SMYD3: variants seen among roughly 807,000 people sequenced by gnomAD.
The protein encoded by SMYD3 is SET and MYND domain containing 3.
In SMYD3, 36 loss-of-function variants were observed where a neutral mutation model predicts 57.7. The ratio of observed to expected loss-of-function variants is 0.62; its 90% confidence interval spans 0.48 to 0.82. The LOEUF (loss-of-function observed/expected upper bound fraction) is 0.82. Among genes scored for constraint, SMYD3 ranks in the 40% least tolerant of loss-of-function variants. The pLI is 0.00. For missense variants in SMYD3, 515 were observed against 538.8 expected, an observed-to-expected ratio of 0.96 and a Z score of 0.44; for synonymous variants, 211 against 195.0, an observed-to-expected ratio of 1.08 and a Z score of -0.68.
chr1:246,218,876 A>G (rs2063208483), intron 5 of SMYD3, among the ~76,000 whole-genome samples: 1 of 152,192 alleles, frequency 6.6e-6, no homozygotes. Context: ...TATCATAGCA[A>G]GACAATCACA....
rs553463722 is a variant in SMYD3 at position 246,094,078 on chromosome 1, C to T, written c.532-164141G>A. Among the ~76,000 whole-genome samples, 58 of 152,244 alleles carry T rather than the reference C, an allele frequency of 3.8e-4. 1 individual carries two copies. The highest frequency in any genetic ancestry group is 1.3e-3 in the African/African-American group (56 of 41,534). On this transcript the variant is annotated intron_variant, in intron 5 of 11. Transcript: ENST00000490107. ...GGTGGGGCCGAACATGTCCTAGGAA[C>T]ACAGCTGTATTCTCACTACAAGGAC... is the stretch of plus-strand genomic sequence containing the variant.
At chr1:246,042,204 T>G (rs76436478) in intron 5 of SMYD3, among the ~76,000 whole-genome samples, 4,900 of 152,240 alleles carry the variant, frequency 0.032, 272 homozygotes, top group African/African-American at 0.11. Flanking sequence ...TTTATATAGC[T>G]CATCATTTGA....
At chr1:246,365,491 T>C (rs2066083972) in intron 1 of SMYD3, among the ~76,000 whole-genome samples, 1 of 30,342 alleles carries the variant, frequency 3.3e-5, no homozygotes, top group South Asian at 1.6e-3. Flanking sequence ...TGAGACCCTG[T>C]CTAAAAAAAA....
chr1:246,074,943 C>T (rs940353114), intron 5 of SMYD3, among the ~76,000 whole-genome samples: 2 of 120,656 alleles, frequency 1.7e-5, no homozygotes, highest in African/African-American at 5.2e-5. Context: ...CACACACACA[C>T]ACACACACTT....
chr1:246,153,105 C>T (rs543405768), intron 5 of SMYD3, among the ~76,000 whole-genome samples: 12 of 152,238 alleles, frequency 7.9e-5, no homozygotes, highest in African/African-American at 2.6e-4. Flanking sequence ...CAACTGTCTA[C>T]TCAAGCACCA....
chr1:245,964,560 A>T (rs116266627), intron 5 of SMYD3, among the ~76,000 whole-genome samples: 2,215 of 152,366 alleles, frequency 0.015, 30 homozygotes, highest in South Asian at 0.062. Flanking sequence ...ATTTTTGAAA[A>T]TGATGAATAA....
At chr1:246,105,098 G>A (rs1194529538) in intron 5 of SMYD3, among the ~76,000 whole-genome samples, 4 of 152,114 alleles carry the variant, frequency 2.6e-5, no homozygotes, top group Non-Finnish European at 1.5e-5. Context: ...ATCCTAACAG[G>A]ATTCTTGCCA....
intron 1 of SMYD3, among the ~76,000 whole-genome samples, chr1:246,376,589 T>TAAAAAAAAAAAAAAAAAAAA (rs55996523): frequency 1.2e-5 from 1 of 85,170 alleles, no homozygotes; most frequent in African/African-American, 4.9e-5. Context: ...ACACTCCATC[T>TAAAAAAAAAAAAAAAAAAAA]AAAAAAAAAA....
chr1:245,985,373 C>G (rs572759714), intron 5 of SMYD3, among the ~76,000 whole-genome samples: 48 of 152,316 alleles, frequency 3.2e-4, no homozygotes, highest in Middle Eastern at 3.4e-3. Context: ...GTCCAATAGG[C>G]ATCTCAAAGT....
chr1:245,823,347 G>A (rs2049288018), intron 10 of SMYD3, among the ~76,000 whole-genome samples: 1 of 65,896 alleles, frequency 1.5e-5, no homozygotes, highest in African/African-American at 2.9e-5. Flanking sequence ...GCTCGTGCTT[G>A]CTCGCTCTCG....
chr1:246,112,058 A>G (rs908831582), intron 5 of SMYD3, among the ~76,000 whole-genome samples: 4 of 152,234 alleles, frequency 2.6e-5, no homozygotes, highest in Admixed American at 1.3e-4. Context: ...ATTTCTCAAG[A>G]GCCACCAAGC....
chr1:246,447,452 T>C (rs751356650), intron 1 of SMYD3, among the ~76,000 whole-genome samples: 1 of 152,224 alleles, frequency 6.6e-6, no homozygotes, highest in Non-Finnish European at 1.5e-5. Flanking sequence ...ATGAAAATAC[T>C]GAAATATATT....
intron 5 of SMYD3, among the ~76,000 whole-genome samples, chr1:246,301,670 C>G (rs929387192): frequency 6.6e-6 from 1 of 152,250 alleles, no homozygotes; most frequent in Non-Finnish European, 1.5e-5. Context: ...GCTTTACAAT[C>G]CAGCTGGGGA....
intron 1 of SMYD3, among the ~76,000 whole-genome samples, chr1:246,485,551 G>A (rs971095646): frequency 6.6e-6 from 1 of 152,078 alleles, no homozygotes; most frequent in Non-Finnish European, 1.5e-5. Flanking sequence ...GGAGGCTGAT[G>A]CAAGAGGATC....
chr1:246,219,868 C>A (rs949764195), intron 5 of SMYD3, among the ~76,000 whole-genome samples: 10 of 152,234 alleles, frequency 6.6e-5, no homozygotes, highest in Non-Finnish European at 1.2e-4. Context: ...GCAGATCCGA[C>A]TGAGTGGGGT....
rs546158329 is a variant in SMYD3 at position 245,924,329 on chromosome 1, T to TA, written c.702+3601dup. 5.5e-3 allele frequency among the ~76,000 whole-genome samples: 812 copies of TA among 146,708 alleles called. 8 individuals carry two copies. Among genetic ancestry groups the TA allele is most frequent in the African/African-American group, 0.017 (694 of 40,074 alleles). ...GAGGAGACAAAAATCCAAAGTCAAA[T>TA]AAAAAAAAAAGACCCAATAACTCAG... On this transcript the variant is annotated intron_variant, in intron 7 of 11. Coordinates refer to ENST00000490107, the MANE Select transcript of SMYD3 (RefSeq NM_001167740.2).
rs780516500 is a variant in SMYD3 at position 246,355,140 on chromosome 1, C to T, written c.165-46G>A. Reference sequence around the variant, plus strand: ...TCTGCATTAAGAAATGAGTGGGAAACATAGTACATAGTTGAAGAAAGAAAA... The same window carrying T: ...TCTGCATTAAGAAATGAGTGGGAAATATAGTACATAGTTGAAGAAAGAAAA... On this transcript the variant is annotated intron_variant, in intron 1 of 11. Coordinates refer to ENST00000490107, the MANE Select transcript of SMYD3 (RefSeq NM_001167740.2). The surrounding 1 kb of genome is among the most constrained non-coding windows in gnomAD (Gnocchi z 5.0). The T allele has an allele frequency of 6.4e-7, 1 of 1,553,390 alleles. No homozygotes were observed. The highest frequency in any genetic ancestry group is 8.9e-7 in the Non-Finnish European group (1 of 1,124,828).
intron 5 of SMYD3, among the ~76,000 whole-genome samples, chr1:246,093,212 T>C (rs1002593345): frequency 1.3e-5 from 2 of 152,174 alleles, no homozygotes; most frequent in East Asian, 1.9e-4. Context: ...TTATGAATGT[T>C]CAGTGAAAAA....
At chr1:246,047,261 T>C (rs974559443) in intron 5 of SMYD3, among the ~76,000 whole-genome samples, 3 of 151,832 alleles carry the variant, frequency 2.0e-5, no homozygotes, top group Non-Finnish European at 2.9e-5. Context: ...CTACAAACCA[T>C]GGGGAAAAAG....
Sources: allele counts gnomAD v4.1 joint callset (sites outside exome capture counted in the v4.1 genomes callset), GRCh38; gene constraint gnomAD v4.1.1; non-coding constraint Gnocchi (gnomAD v3.1); transcripts MANE v1.5; gene names NCBI Gene and HGNC (gene_info 2026-07-23, HGNC 2026-07-21).